The following ATF6 variants were observed in gnomAD, a reference collection of about 807,000 sequenced individuals.
ATF6 encodes activating transcription factor 6.
A neutral mutation model predicts 83.6 loss-of-function variants in ATF6; 53 were observed. The observed-to-expected ratio is 0.63, with a 90% CI of 0.51 to 0.80. ATF6 has a LOEUF of 0.80. Among genes scored for constraint, ATF6 ranks in the 30% least tolerant of loss-of-function variants. The probability of loss-of-function intolerance (pLI) is 0.00; values close to 1 mark genes in which losing one functional copy is unlikely to be tolerated. For synonymous variants in ATF6, 288 were observed against 285.8 expected, an observed-to-expected ratio of 1.01 and a Z score of -0.08; for missense variants, 744 against 797.9, an observed-to-expected ratio of 0.93 and a Z score of 0.81.
At chr1:161,868,903 A>G (rs771454254) in intron 14 of ATF6, among the ~76,000 whole-genome samples, 1 of 152,090 alleles carries the variant, frequency 6.6e-6, no homozygotes, top group Non-Finnish European at 1.5e-5. Context: ...GAACTTTGAG[A>G]TACTTGCATC....
chr1:161,805,116 A>G (rs999564858), intron 7 of ATF6, among the ~76,000 whole-genome samples: 20 of 152,072 alleles, frequency 1.3e-4, no homozygotes, highest in African/African-American at 3.9e-4. Context: ...CAAAGTCTCA[A>G]TGTATGAATG....
intron 6 of ATF6, among the ~76,000 whole-genome samples, chr1:161,797,020 ATTTAC>A (rs1685036557): frequency 6.6e-6 from 1 of 151,610 alleles, no homozygotes; most frequent in Non-Finnish European, 1.5e-5. Flanking sequence ...GTCATATGCT[ATTTAC>A]TTTATGTGTT....
In ATF6 at chr1:161,824,386, TA is replaced by T. The variant is rs72265058; in HGVS notation, c.1187+3241del. Among the ~76,000 whole-genome samples, 638 of 140,206 alleles carry T rather than the reference TA, an allele frequency of 4.6e-3. 1 individual carries two copies. The highest frequency in any genetic ancestry group is 0.011 in the Middle Eastern group (3 of 274). The allele number at this position is 140,206 out of a possible 152,430, so 92.0% of individuals were successfully genotyped here. On this transcript the variant is annotated intron_variant, in intron 9 of 15. Coordinates refer to ENST00000367942, the MANE Select transcript of ATF6 (RefSeq NM_007348.4). ...AACATCAAGTTTTTTTGGTCAAAATTAAAAAAAAAAAAAAAAGCTCAAATGC... is the reference window on the plus strand; with the variant it reads ...AACATCAAGTTTTTTTGGTCAAAATTAAAAAAAAAAAAAAAGCTCAAATGC...
At chr1:161,861,096 G>A (rs981618647) in intron 13 of ATF6, among the ~76,000 whole-genome samples, 11 of 152,104 alleles carry the variant, frequency 7.2e-5, no homozygotes, top group Non-Finnish European at 1.6e-4. Context: ...TATATTTAGA[G>A]CACTTAGCAT....
intron 9 of ATF6, among the ~76,000 whole-genome samples, chr1:161,830,163 CAGAG>C (rs1383115139): frequency 2.6e-5 from 4 of 152,126 alleles, no homozygotes; most frequent in Admixed American, 1.3e-4. Context: ...AGCAGACAAA[CAGAG>C]AGCCAAATCA....
intron 14 of ATF6, among the ~76,000 whole-genome samples, chr1:161,894,133 T>C (rs6427635): frequency 0.14 from 21,066 of 152,040 alleles, 2,005 homozygotes; most frequent in East Asian, 0.32. Flanking sequence ...TGTTACAATA[T>C]GGTATCCAAT....
intron 15 of ATF6, among the ~76,000 whole-genome samples, chr1:161,937,530 T>A (rs11590304): frequency 1.3e-4 from 19 of 151,860 alleles, no homozygotes; most frequent in Admixed American, 9.8e-4. Flanking sequence ...GATTAGGTCA[T>A]GAAGGCAGAG....
chr1:161,901,494 C>T (rs1241135665), intron 14 of ATF6, among the ~76,000 whole-genome samples: 2 of 109,300 alleles, frequency 1.8e-5, no homozygotes, highest in Non-Finnish European at 3.9e-5. Flanking sequence ...TCTCCCAAAG[C>T]AAAAAAAAAA....
intron 15 of ATF6, among the ~76,000 whole-genome samples, chr1:161,948,600 A>T (rs553626579): frequency 6.6e-6 from 1 of 152,342 alleles, no homozygotes; most frequent in South Asian, 2.1e-4. Context: ...TAAAAAGTAA[A>T]ATTTTAAATG....
chr1:161,826,593 A>G (rs1184412808), intron 9 of ATF6, among the ~76,000 whole-genome samples: 1 of 152,176 alleles, frequency 6.6e-6, no homozygotes, highest in Non-Finnish European at 1.5e-5. Flanking sequence ...AAGTAGTGGG[A>G]ATATTAGGAA....
At chr1:161,788,994 AATCTT>A (rs1171917253) in intron 4 of ATF6, among the ~76,000 whole-genome samples, 4 of 151,812 alleles carry the variant, frequency 2.6e-5, no homozygotes, top group Non-Finnish European at 5.9e-5. Flanking sequence ...GTTTTATTTA[AATCTT>A]TTTTATTTTT....
chr1:161,791,092 G>C (rs1164540182), intron 4 of ATF6, among the ~76,000 whole-genome samples: 37 of 143,838 alleles, frequency 2.6e-4, no homozygotes, highest in South Asian at 1.5e-3. Context: ...GTCTCTGTGT[G>C]TGTGTGTGTG....
rs1688227496 is a variant in ATF6 at position 161,922,288 on chromosome 1, G to A, written c.1804+9908G>A. ...TGGCATCTAAGGCCCAGGACAGTCT[G>A]TCCCCACATTACCTTTTCAACTCAG... On this transcript the variant is annotated intron_variant, in intron 15 of 15. Transcript: ENST00000367942. Among the ~76,000 whole-genome samples the A allele has an allele frequency of 2.6e-5, 4 of 152,122 alleles. No individual in the cohort carries two copies. The South Asian group carries it at 8.3e-4, about 32-fold the overall frequency.
chr1:161,767,623 A>G (rs1684294878), intron 1 of ATF6, among the ~76,000 whole-genome samples: 1 of 152,186 alleles, frequency 6.6e-6, no homozygotes, highest in Non-Finnish European at 1.5e-5. Flanking sequence ...GGCTAACAGA[A>G]TTTGTGCTCA....
intron 15 of ATF6, among the ~76,000 whole-genome samples, chr1:161,939,749 G>T (rs1352474926): frequency 6.6e-6 from 1 of 152,158 alleles, no homozygotes; most frequent in Non-Finnish European, 1.5e-5. Flanking sequence ...TTCCCTTTAG[G>T]ACTCAGAAGT....
rs1383306176 is a variant in ATF6, at chr1:161,831,801, C to A, written c.1187+10640C>A. ...CACACACTGGGGCCTGTGGTGGGGT[C>A]GGGGGAGGGGGGAGGGATAGCATTC... is the stretch of plus-strand genomic sequence containing the variant. On this transcript the variant is annotated intron_variant, in intron 9 of 15. Coordinates refer to ENST00000367942, the MANE Select transcript of ATF6 (RefSeq NM_007348.4). 1.9e-4 allele frequency among the ~76,000 whole-genome samples: 6 copies of A among 31,174 alleles called. No homozygotes were observed. The South Asian group carries it at 4.1e-3, about 21-fold the overall frequency. The allele number at this position is 31,174 out of a possible 152,430, so 20.5% of individuals were successfully genotyped here. A position where few individuals can be genotyped will look rare whatever the true frequency, so the allele number is the denominator to read the frequency against.
At chr1:161,912,808 A>G (rs561801001) in intron 15 of ATF6, among the ~76,000 whole-genome samples, 1 of 152,272 alleles carries the variant, frequency 6.6e-6, no homozygotes, top group East Asian at 1.9e-4. Flanking sequence ...TTAATTGATA[A>G]TACTGATGAG....
At chr1:161,898,737 AGGGTTTT>A (rs1558016279) in intron 14 of ATF6, among the ~76,000 whole-genome samples, 10 of 152,030 alleles carry the variant, frequency 6.6e-5, no homozygotes, top group Admixed American at 2.0e-4. Flanking sequence ...TAGTAGAGAC[AGGGTTTT>A]ACCACGTTGG....
chr1:161,788,765 T>C lies in ATF6; in HGVS notation c.355-2643T>C, dbSNP rs185980919. Among the ~76,000 whole-genome samples the C allele has an allele frequency of 7.2e-5, 11 of 152,208 alleles. No individual in the cohort carries two copies. In the East Asian group the frequency reaches 1.5e-3, roughly 21 times the overall value. Reference sequence around the variant, plus strand: ...CACTAGGTAGGGATCTAATTTTAATTTTCTCTATAAAATGAATCAGTTTTC... The same window carrying C: ...CACTAGGTAGGGATCTAATTTTAATCTTCTCTATAAAATGAATCAGTTTTC... On this transcript the variant is annotated intron_variant, in intron 4 of 15. Coordinates refer to ENST00000367942, the MANE Select transcript of ATF6 (RefSeq NM_007348.4).
Sources: allele counts gnomAD v4.1 joint callset (sites outside exome capture counted in the v4.1 genomes callset), GRCh38; gene constraint gnomAD v4.1.1; transcripts MANE v1.5; gene names NCBI Gene and HGNC (gene_info 2026-07-23, HGNC 2026-07-21).